SYCE1L: variants seen among roughly 807,000 people sequenced by gnomAD.
SYCE1L encodes the protein synaptonemal complex central element protein 1-like.
In SYCE1L, 51 loss-of-function variants were observed where a neutral mutation model predicts 39.6. That is an observed-to-expected ratio of 1.29 (90% confidence interval 1.03 to 1.63). SYCE1L has a LOEUF of 1.63. Ranked by LOEUF, SYCE1L falls within the 40% of genes most tolerant of loss-of-function variation. SYCE1L has a pLI of 0.00. For synonymous variants in SYCE1L, 147 were observed against 122.4 expected, an observed-to-expected ratio of 1.20 and a Z score of -1.33; for missense variants, 426 against 304.9, an observed-to-expected ratio of 1.40 and a Z score of -2.96.
At chr16:77,203,063 G>A (rs1408562294) in intron 1 of SYCE1L, among the ~76,000 whole-genome samples, 2 of 152,104 alleles carry the variant, frequency 1.3e-5, no homozygotes, top group African/African-American at 4.8e-5. Context: ...ATTGTATCAG[G>A]GGAAGCAGTG....
chr16:77,211,982 G>T, intron 7 of SYCE1L, 148 bp from the exon 8 acceptor site: 1 of 942,888 alleles, frequency 1.1e-6, no homozygotes. Context: ...TCCAGCCACA[G>T]CAGGAACTGC....
chr16:77,211,852 G>A (rs2054824865), intron 7 of SYCE1L, among the ~76,000 whole-genome samples: 2 of 152,160 alleles, frequency 1.3e-5, no homozygotes, highest in Non-Finnish European at 2.9e-5. Context: ...GGGGCTGGAC[G>A]GTGCCTGAAA....
intron 7 of SYCE1L, 67 bp downstream of exon 7, chr16:77,211,343 CCA>C (rs2054821217): frequency 6.6e-7 from 1 of 1,524,506 alleles, no homozygotes; most frequent in Admixed American, 2.0e-5. Flanking sequence ...ACTGACTGGC[CCA>C]GAGTCCACCC....
chr16:77,212,448 C>G (rs2054831323), intron 9 of SYCE1L, 79 bp downstream of exon 9: 2 of 1,537,736 alleles, frequency 1.3e-6, no homozygotes, highest in African/African-American at 2.8e-5. Context: ...CCGCTCCGCC[C>G]CCGACTGCCG....
intron 1 of SYCE1L, chr16:77,200,443 C>G (rs1230030006): frequency 6.7e-6 from 1 of 148,252 alleles, no homozygotes; most frequent in Non-Finnish European, 1.5e-5. Flanking sequence ...CAGAGTGAGA[C>G]TCCGTCTCAA....
intron 1 of SYCE1L, chr16:77,200,835 T>A (rs572000155): frequency 1.3e-4 from 20 of 152,204 alleles, no homozygotes; most frequent in African/African-American, 4.8e-4. Context: ...TTTTTTGTTA[T>A]AGAAATATTC....
In SYCE1L at chr16:77,212,311, G is replaced by T. The variant is rs763843960; in HGVS notation, c.523G>T (p.Val175Leu). The stretch of plus-strand genomic sequence containing the variant: ...GCTGGTGCGCGCCAAGCTGCGGGAG[G>T]TGGAGCGGCGGCTGCACTCGCCGCC... ...RRLVRAKLRE[V>L]ERRLHSPPEV... The change falls in exon 9 of 11, where the codon GTG becomes TTG. Residue 175 changes from valine (V) to leucine (L), a missense_variant. Transcript: ENST00000378644. The T allele has an allele frequency of 1.3e-6, 2 of 1,526,416 alleles. No individual in the cohort carries two copies. Among genetic ancestry groups the T allele is most frequent in the Admixed American group, 2.2e-5 (1 of 45,570 alleles). 94.6% of individuals were successfully genotyped at this position (1,526,416 alleles called of 1,614,324 possible). A position where few individuals can be genotyped will look rare whatever the true frequency, so the allele number is the denominator to read the frequency against.
intron 1 of SYCE1L, chr16:77,200,921 C>T (rs185420784): frequency 2.0e-5 from 3 of 152,234 alleles, no homozygotes; most frequent in African/African-American, 7.2e-5. Flanking sequence ...ACTGTTGTCA[C>T]CTTTCTGCCC....
intron 1 of SYCE1L, among the ~76,000 whole-genome samples, chr16:77,203,195 A>G (rs1445057731): frequency 1.3e-5 from 2 of 152,198 alleles, no homozygotes; most frequent in Non-Finnish European, 2.9e-5. Flanking sequence ...CGTGAAATGT[A>G]TTTTACTAAA....
intron 1 of SYCE1L, among the ~76,000 whole-genome samples, chr16:77,202,851 A>G (rs1423875566): frequency 2.3e-5 from 3 of 127,726 alleles, no homozygotes; most frequent in Non-Finnish European, 5.4e-5. Context: ...GGCAATGAGC[A>G]TATCAGAGTT....
chr16:77,204,340 A>G (rs922693263), intron 1 of SYCE1L, among the ~76,000 whole-genome samples: 1 of 152,210 alleles, frequency 6.6e-6, no homozygotes, highest in Non-Finnish European at 1.5e-5. Flanking sequence ...AATGTGACTT[A>G]TTTGGAAGTA....
chr16:77,211,531 T>A (rs2054822496), intron 7 of SYCE1L, among the ~76,000 whole-genome samples: 1 of 152,076 alleles, frequency 6.6e-6, no homozygotes, highest in Admixed American at 6.5e-5. Flanking sequence ...TTCCCCCTGC[T>A]CATCTAGTGT....
intron 9 of SYCE1L, 37 bp from the exon 10 acceptor site, chr16:77,212,537 C>T (rs1192418398): frequency 1.3e-6 from 2 of 1,537,528 alleles, no homozygotes; most frequent in South Asian, 2.4e-5. Flanking sequence ...TGGACTCTCG[C>T]TCTCTTCCTC....
intron 2 of SYCE1L, among the ~76,000 whole-genome samples, chr16:77,206,846 C>G (rs1341667604): frequency 6.6e-6 from 1 of 151,966 alleles, no homozygotes; most frequent in African/African-American, 2.4e-5. Flanking sequence ...TTTTGTCCTC[C>G]CTTTTTACAC....
chr16:77,210,362 C>T lies in SYCE1L; in HGVS notation c.360-851C>T, dbSNP rs566516284. Reference sequence around the variant, plus strand: ...ACATCTTCTGAACTTTTACCTAGCACACTCCTGTTACCAGAGGTCTCTCAT... The same window carrying T: ...ACATCTTCTGAACTTTTACCTAGCATACTCCTGTTACCAGAGGTCTCTCAT... On this transcript the variant is annotated intron_variant, in intron 6 of 10. Coordinates refer to ENST00000378644, the MANE Select transcript of SYCE1L (RefSeq NM_001129979.3). Among the ~76,000 whole-genome samples the T allele has an allele frequency of 3.9e-5, 6 of 152,276 alleles. No homozygotes were observed. In the East Asian group the frequency reaches 1.2e-3, roughly 29 times the overall value.
chr16:77,209,703 A>G (rs573590757), intron 6 of SYCE1L, among the ~76,000 whole-genome samples: 20 of 152,166 alleles, frequency 1.3e-4, no homozygotes, highest in Non-Finnish European at 2.8e-4. Flanking sequence ...TATTCCCTCC[A>G]TTGGTCTTAG....
At chr16:77,204,280 A>G (rs930993695) in intron 1 of SYCE1L, among the ~76,000 whole-genome samples, 6 of 152,212 alleles carry the variant, frequency 3.9e-5, no homozygotes, top group Non-Finnish European at 8.8e-5. Context: ...AGGATGGTGT[A>G]CTAGGTTAAA....
intron 1 of SYCE1L, among the ~76,000 whole-genome samples, chr16:77,202,976 T>C (rs569255437): frequency 1.6e-5 from 2 of 127,854 alleles, no homozygotes; most frequent in East Asian, 7.1e-4. Context: ...TACTTTTTTG[T>C]CTTATTTCCA....
Position 77,212,151 on chromosome 16 carries a change from C to G in SYCE1L, c.445C>G (p.Arg149Gly). The change falls in exon 8 of 11, where the codon CGG becomes GGG. Residue 149 changes from arginine to glycine, a missense_variant. Arg to Gly is a moderately radical substitution (Grantham distance 125). Transcript: ENST00000378644. ...GCAGATGCTGGAGCAGCGACTGGCC[C>G]GGGAGATCCGTGCCCTGGAGAGAAG... Reference protein sequence around the residue: ...EFHMLEQRLAREIRALERSKE... With the variant: ...EFHMLEQRLAGEIRALERSKE... The G allele has an allele frequency of 6.5e-7, 1 of 1,548,774 alleles. No homozygotes were observed. Among genetic ancestry groups the G allele is most frequent in the Non-Finnish European group, 8.7e-7 (1 of 1,146,386 alleles).
Sources: gnomAD v4.1 joint callset for allele counts (sites outside exome capture counted in the v4.1 genomes callset) on GRCh38, gnomAD v4.1.1 for gene constraint, MANE v1.5 for transcripts, NCBI Gene and HGNC (gene_info 2026-07-23, HGNC 2026-07-21) for gene names.